IL17B: variants seen among roughly 807,000 people sequenced by gnomAD.
IL17B encodes interleukin 17B, also known as interleukin-17B.
In IL17B, 14 loss-of-function variants were observed where a neutral mutation model predicts 14.7. The observed-to-expected ratio is 0.95, with a 90% CI of 0.63 to 1.49. The LOEUF (loss-of-function observed/expected upper bound fraction) is 1.49, where lower values mean the gene tolerates loss of function less well. IL17B is among the 40% of genes most tolerant of loss of function. IL17B has a pLI of 0.00. For missense variants in IL17B, 233 were observed against 252.8 expected (o/e 0.92, Z 0.53); for synonymous variants, 105 against 94.8 (o/e 1.11, Z -0.62).
At chr5:149,398,807 G>A (rs1759149530) in intron 1 of IL17B, among the ~76,000 whole-genome samples, 1 of 152,228 alleles carries the variant, frequency 6.6e-6, no homozygotes, top group Non-Finnish European at 1.5e-5. Context: ...TCAGGAGGCT[G>A]AGGCAGGAGA....
chr5:149,377,081 A>G, intron 1 of IL17B, 56 bp from the exon 2 acceptor site: 2 of 1,441,688 alleles, frequency 1.4e-6, no homozygotes, highest in Non-Finnish European at 1.9e-6. Context: ...ATCTGGGCCA[A>G]GACTTGGGGT....
chr5:149,376,736 C>T lies in IL17B; in HGVS notation c.311G>A (p.Ser104Asn). Residue 104 changes from serine to asparagine, a missense_variant and splice_region_variant, in exon 2 of 3, where the codon AGC (serine) becomes AAC (asparagine). Transcript: ENST00000261796. ...NKRSLSPWGY[S>N]INHDPSRIPV... ...AGCTTGCCACCACTGCCCAGCCTAC[C>T]TGTAGCCCCAGGGAGACAGGCTCCT... The T allele has an allele frequency of 1.2e-6, 2 of 1,602,548 alleles. No individual in the cohort carries two copies. Among genetic ancestry groups the T allele is most frequent in the South Asian group, 1.1e-5 (1 of 88,764 alleles).
intron 1 of IL17B, among the ~76,000 whole-genome samples, chr5:149,397,430 A>G (rs548992108): frequency 3.3e-5 from 5 of 152,282 alleles, no homozygotes; most frequent in Admixed American, 1.3e-4. Flanking sequence ...TGGCCTCCCA[A>G]AATGGTAGGA....
chr5:149,392,683 C>G (rs1209698713), intron 1 of IL17B, among the ~76,000 whole-genome samples: 1 of 152,186 alleles, frequency 6.6e-6, no homozygotes, highest in Non-Finnish European at 1.5e-5. Flanking sequence ...CTTTGTACCT[C>G]TGTGATGGTG....
chr5:149,377,704 G>C (rs1289803316), intron 1 of IL17B, among the ~76,000 whole-genome samples: 1 of 152,092 alleles, frequency 6.6e-6, no homozygotes, highest in Admixed American at 6.5e-5. Context: ...CTGCTTAGCT[G>C]TGCTGGGACA....
chr5:149,387,892 A>G (rs1758858102), intron 1 of IL17B, among the ~76,000 whole-genome samples: 2 of 152,168 alleles, frequency 1.3e-5, no homozygotes, highest in African/African-American at 4.8e-5. Context: ...AATTGAGGCC[A>G]TACAGTGAGG....
intron 1 of IL17B, among the ~76,000 whole-genome samples, chr5:149,402,957 C>T (rs1403858413): frequency 8.8e-5 from 12 of 136,740 alleles, no homozygotes; most frequent in African/African-American, 3.1e-4. Flanking sequence ...GAGCCGGGAT[C>T]GCACCATTGC....
chr5:149,389,190 C>T (rs140633094), intron 1 of IL17B, among the ~76,000 whole-genome samples: 1 of 152,274 alleles, frequency 6.6e-6, no homozygotes, highest in East Asian at 1.9e-4. Context: ...AATTAATTGT[C>T]AATGTCATAT....
upstream of IL17B, among the ~76,000 whole-genome samples, chr5:149,381,020 C>A (rs531254658): frequency 1.3e-5 from 2 of 152,240 alleles, no homozygotes; most frequent in Admixed American, 6.5e-5. Flanking sequence ...ACTGGCCGGG[C>A]GGCCTGGCTG....
upstream of IL17B, among the ~76,000 whole-genome samples, chr5:149,382,146 G>A (rs543862721): frequency 3.3e-5 from 5 of 152,228 alleles, no homozygotes; most frequent in Admixed American, 2.0e-4. Flanking sequence ...CTCCAAGAGC[G>A]GCCCGGGACT....
intron 1 of IL17B, among the ~76,000 whole-genome samples, chr5:149,397,633 G>A (rs556842266): frequency 2.0e-5 from 3 of 152,258 alleles, no homozygotes; most frequent in South Asian, 2.1e-4. Flanking sequence ...ATTAGTCAGC[G>A]TTCTCTAGAG....
chr5:149,376,190 G>A (rs780892559), intron 2 of IL17B, among the ~76,000 whole-genome samples: 1 of 152,226 alleles, frequency 6.6e-6, no homozygotes, highest in African/African-American at 2.4e-5. Flanking sequence ...TCGTTATCCA[G>A]GGCAATGGGT....
intron 1 of IL17B, 136 bp downstream of exon 1, chr5:149,379,069 C>T (rs1030514274): frequency 1.9e-6 from 2 of 1,049,376 alleles, no homozygotes; most frequent in East Asian, 4.9e-5. Flanking sequence ...CTTTCTAGTC[C>T]TGGGGGAGAA....
At chr5:149,383,764 G>C (rs1205714412), upstream of IL17B, among the ~76,000 whole-genome samples, 2 of 152,224 alleles carry the variant, frequency 1.3e-5, no homozygotes, top group Non-Finnish European at 2.9e-5. Context: ...GTGTGCAGAG[G>C]GGCTGCCACG....
chr5:149,393,229 C>T lies in IL17B; in HGVS notation n.95+10879G>A, dbSNP rs76571026. On this transcript the variant is annotated intron_variant and non_coding_transcript_variant, in intron 1 of 2. Transcript: ENST00000505432. ...CTCTGGGCTTTGACTTATGCTGTTC[C>T]CTTTGCTTCAATGCCCTTCTCTGCC... 8.2e-3 allele frequency among the ~76,000 whole-genome samples: 1,252 copies of T among 152,296 alleles called. 8 individuals carry two copies. The highest frequency in any genetic ancestry group is 0.012 in the South Asian group (59 of 4,830).
intron 1 of IL17B, among the ~76,000 whole-genome samples, chr5:149,399,995 T>C (rs1052415087): frequency 1.3e-5 from 2 of 152,172 alleles, no homozygotes; most frequent in Non-Finnish European, 2.9e-5. Context: ...CAGTAGCTAC[T>C]GGCAAGCACC....
intron 1 of IL17B, among the ~76,000 whole-genome samples, chr5:149,398,731 AC>A (rs1561718933): frequency 6.6e-6 from 1 of 152,044 alleles, no homozygotes. Flanking sequence ...ACATGGATAA[AC>A]CCCATCTCTA....
At chr5:149,389,910 C>T (rs1258467075) in intron 1 of IL17B, among the ~76,000 whole-genome samples, 1 of 152,176 alleles carries the variant, frequency 6.6e-6, no homozygotes, top group Non-Finnish European at 1.5e-5. Flanking sequence ...CAGCCCTGAG[C>T]ATGGCTGAGG....
At chr5:149,400,930 C>T (rs771407854) in intron 1 of IL17B, among the ~76,000 whole-genome samples, 1 of 152,168 alleles carries the variant, frequency 6.6e-6, no homozygotes, top group Non-Finnish European at 1.5e-5. Context: ...TTGTTCTAGT[C>T]AGGCTCTCGA....
Sources: allele counts gnomAD v4.1 joint callset (sites outside exome capture counted in the v4.1 genomes callset), GRCh38; gene constraint gnomAD v4.1.1; transcripts MANE v1.5; gene names NCBI Gene and HGNC (gene_info 2026-07-23, HGNC 2026-07-21).